FAM124A: variants seen among roughly 807,000 people sequenced by gnomAD.
FAM124A encodes family with sequence similarity 124 member A.
Under a neutral mutation model 24.5 loss-of-function variants are expected in FAM124A, and 23 were observed. The observed-to-expected ratio is 0.94, with a 90% CI of 0.68 to 1.33. The LOEUF is 1.33. Ranked by LOEUF, FAM124A falls within the 40% of genes most tolerant of loss-of-function variation. The pLI is 0.00. For synonymous variants in FAM124A, 287 were observed against 314.7 expected, an observed-to-expected ratio of 0.91 and a Z score of 0.93; for missense variants, 623 against 722.8, an observed-to-expected ratio of 0.86 and a Z score of 1.58.
Position 51,251,012 on chromosome 13 carries a change from A to T in FAM124A, c.101-456A>T, listed in dbSNP as rs1373497164. On this transcript the variant is annotated intron_variant, in intron 2 of 3. Transcript: ENST00000322475. This position sits in a 1 kb window ranked among gnomAD's most constrained non-coding sequence, Gnocchi z 5.3. Reference sequence around the variant, plus strand: ...ACAAATGAAATAAGCAAACCAGAGGAGTGCGTTTGTGTAGGGAACATGTAT... The same window carrying T: ...ACAAATGAAATAAGCAAACCAGAGGTGTGCGTTTGTGTAGGGAACATGTAT... Among the ~76,000 whole-genome samples the T allele has an allele frequency of 6.6e-6, 1 of 152,230 alleles. No individual in the cohort carries two copies. The highest frequency in any genetic ancestry group is 1.5e-5 in the Non-Finnish European group (1 of 68,046).
At position 51,231,380 on chromosome 13, in the gene FAM124A, G is replaced by A. The variant is rs1354495557; in HGVS notation, c.100+1G>A. The A allele has an allele frequency of 6.2e-7, 1 of 1,613,748 alleles. No individual in the cohort carries two copies. Among genetic ancestry groups the A allele is most frequent in the Non-Finnish European group, 8.5e-7 (1 of 1,179,942 alleles). ...TACAGCCACCTGTCCTCCACGAGCA[G>A]TAAGTATCTTTTAAACATCCTTCAG... On this transcript the variant is annotated splice_donor_variant, in intron 2 of 3. Transcript: ENST00000322475. LOFTEE classifies it high-confidence loss of function.
At chr13:51,245,063 C>G (rs1954542318) in intron 2 of FAM124A, among the ~76,000 whole-genome samples, 1 of 152,140 alleles carries the variant, frequency 6.6e-6, no homozygotes, top group Non-Finnish European at 1.5e-5. Context: ...CTTTAATAAG[C>G]GAAAGAAAGA....
rs189329121 is a variant in FAM124A at position 51,255,305 on chromosome 13, A to G, written c.834+3104A>G. Among the ~76,000 whole-genome samples, 134 of 152,332 alleles carry G rather than the reference A, an allele frequency of 8.8e-4. 2 individuals carry two copies. The highest frequency in any genetic ancestry group is 3.1e-3 in the African/African-American group (129 of 41,572). On this transcript the variant is annotated intron_variant, in intron 3 of 3. Coordinates refer to ENST00000322475, the MANE Select transcript of FAM124A (RefSeq NM_001242312.2). ...ATGCATGTCAACTTTCTAGAGCTAT[A>G]CTGTTCAATGGCAGCCACTAGCTAC...
At chr13:51,278,767 A>G (rs567909708) in intron 3 of FAM124A, among the ~76,000 whole-genome samples, 14 of 152,342 alleles carry the variant, frequency 9.2e-5, no homozygotes, top group African/African-American at 3.4e-4. Context: ...GAATACAGGT[A>G]GATTTCTGTT....
chr13:51,280,318 C>T, intron 3 of FAM124A, 132 bp from the exon 4 acceptor site: 1 of 811,248 alleles, frequency 1.2e-6, no homozygotes, highest in Non-Finnish European at 1.9e-6. Flanking sequence ...CTAGAGATTG[C>T]AGAACTGGTA....
At chr13:51,262,769 T>G (rs1215269596) in intron 3 of FAM124A, among the ~76,000 whole-genome samples, 1 of 152,220 alleles carries the variant, frequency 6.6e-6, no homozygotes, top group African/African-American at 2.4e-5. Flanking sequence ...TAGGTTCTAC[T>G]AGTTTGGATT....
In FAM124A at chr13:51,281,233, G is replaced by A. The variant is rs767321784; in HGVS notation, c.1618G>A (p.Asp540Asn). Residue 540 changes from aspartate to asparagine, a missense_variant, in exon 4 of 4, where the codon GAC becomes AAC. Transcript: ENST00000322475. ...PPGSAGPGDN[D>N]MEEFYI ...AGGGTCGGCTGGCCCCGGGGATAAC[G>A]ACATGGAGGAATTCTACATCTGAAT... 7 of 1,579,978 alleles carry A rather than the reference G, an allele frequency of 4.4e-6. No homozygotes were observed. Among genetic ancestry groups the A allele is most frequent in the South Asian group, 2.3e-5 (2 of 86,206 alleles).
At chr13:51,226,323 G>T (rs193113297) in intron 1 of FAM124A, among the ~76,000 whole-genome samples, 1 of 152,178 alleles carries the variant, frequency 6.6e-6, no homozygotes, top group Admixed American at 6.5e-5. Context: ...TTCTGAAAAA[G>T]TGGAGGCAGA....
chr13:51,276,044 G>T (rs968610107), intron 3 of FAM124A, among the ~76,000 whole-genome samples: 2 of 152,200 alleles, frequency 1.3e-5, no homozygotes, highest in African/African-American at 4.8e-5. Context: ...TGAGGTGTTT[G>T]GGAGCATGGT....
At chr13:51,264,773 A>G (rs1241024214) in intron 3 of FAM124A, among the ~76,000 whole-genome samples, 2 of 152,246 alleles carry the variant, frequency 1.3e-5, no homozygotes, top group Admixed American at 1.3e-4. Flanking sequence ...GCCATCTGAT[A>G]CACTCATATA....
chr13:51,241,050 C>G (rs1954485935), intron 2 of FAM124A, among the ~76,000 whole-genome samples: 2 of 152,232 alleles, frequency 1.3e-5, no homozygotes, highest in African/African-American at 4.8e-5. Flanking sequence ...GGTTTTTAGC[C>G]TTTCCTGGCT....
chr13:51,252,350 C>A, intron 3 of FAM124A, 149 bp downstream of exon 3: 2 of 1,107,490 alleles, frequency 1.8e-6, no homozygotes, highest in South Asian at 1.7e-5. Flanking sequence ...GTCAAAGTGG[C>A]CATACAGGAT....
intron 3 of FAM124A, among the ~76,000 whole-genome samples, chr13:51,262,311 G>A (rs1954745409): frequency 6.6e-6 from 1 of 151,922 alleles, no homozygotes; most frequent in Non-Finnish European, 1.5e-5. Flanking sequence ...TTCTTTTGAT[G>A]TTTTCATACT....
intron 3 of FAM124A, chr13:51,252,466 A>C (rs8000525): frequency 1.9e-6 from 1 of 527,060 alleles, no homozygotes; most frequent in Non-Finnish European, 3.3e-6. Flanking sequence ...GTCCTCCCCT[A>C]TTGGGCATCC....
rs1391261552 is a variant in FAM124A, at chr13:51,251,979, C to T, written c.612C>T (p.Asp204=). ...GGAGCCCCAGCCAGAAGAAAGCGGA[C>T]TTCTGCATCTTCCCTATTTTTTCCA... is the stretch of plus-strand genomic sequence containing the variant. ...LRRSPSQKKA[D]FCIFPIFSNL... Residue 204 remains aspartate (D), a synonymous_variant, in exon 3 of 4, where the codon GAC becomes GAT. Transcript: ENST00000322475. The surrounding 1 kb of genome is among the most constrained non-coding windows in gnomAD (Gnocchi z 5.3). The T allele has an allele frequency of 1.9e-6, 3 of 1,614,154 alleles. No homozygotes were observed. In the African/African-American group the frequency reaches 4.0e-5, roughly 22 times the overall value.
intron 3 of FAM124A, among the ~76,000 whole-genome samples, chr13:51,278,954 AC>A (rs1477020113): frequency 6.6e-5 from 10 of 152,178 alleles, no homozygotes; most frequent in Non-Finnish European, 1.5e-4. Flanking sequence ...TAAAGCAACC[AC>A]AAAGGCTTCC....
intron 3 of FAM124A, among the ~76,000 whole-genome samples, chr13:51,266,570 G>A (rs933992236): frequency 5.9e-5 from 9 of 152,178 alleles, no homozygotes; most frequent in Admixed American, 2.0e-4. Flanking sequence ...AACACTGCAA[G>A]TTTATAGCAA....
chr13:51,250,194 A>G (rs527486975), intron 2 of FAM124A, among the ~76,000 whole-genome samples: 1 of 152,084 alleles, frequency 6.6e-6, no homozygotes, highest in African/African-American at 2.4e-5. Context: ...CCATAAAAAA[A>G]TTTTCATCCT....
chr13:51,262,715 T>C (rs1954748997), intron 3 of FAM124A, among the ~76,000 whole-genome samples: 1 of 152,296 alleles, frequency 6.6e-6, no homozygotes, highest in African/African-American at 2.4e-5. Flanking sequence ...CTGGGTCCCC[T>C]GGGACTTTAT....
Sources: gnomAD v4.1 joint callset for allele counts (sites outside exome capture counted in the v4.1 genomes callset) on GRCh38, gnomAD v4.1.1 for gene constraint, Gnocchi (gnomAD v3.1) non-coding constraint, MANE v1.5 for transcripts, NCBI Gene and HGNC (gene_info 2026-07-23, HGNC 2026-07-21) for gene names.